The following MAML2 variants were observed in gnomAD, a reference collection of about 807,000 sequenced individuals.
The protein encoded by MAML2 is mastermind like transcriptional coactivator 2.
In MAML2, 22 loss-of-function variants were observed where a neutral mutation model predicts 96.1. That is an observed-to-expected ratio of 0.23 (90% confidence interval 0.16 to 0.33). The LOEUF is 0.33. Among genes scored for constraint, MAML2 ranks in the 10% least tolerant of loss-of-function variants. The pLI is 1.00. For synonymous variants in MAML2, 561 were observed against 521.3 expected (o/e 1.08, Z -1.04); for missense variants, 1,367 against 1,392.4 (o/e 0.98, Z 0.29).
intron 1 of MAML2, among the ~76,000 whole-genome samples, chr11:96,235,207 A>T (rs944447142): frequency 6.6e-6 from 1 of 152,100 alleles, no homozygotes; most frequent in Non-Finnish European, 1.5e-5. Context: ...TCTCCTTTAG[A>T]TCCAGAGCAA....
chr11:96,026,660 C>T (rs186727912), intron 2 of MAML2, among the ~76,000 whole-genome samples: 14 of 151,912 alleles, frequency 9.2e-5, no homozygotes, highest in African/African-American at 3.4e-4. Context: ...CATCTGTTTG[C>T]TCAGCACATA....
intron 1 of MAML2, among the ~76,000 whole-genome samples, chr11:96,328,017 A>T (rs964285905): frequency 6.6e-5 from 10 of 151,902 alleles, no homozygotes; most frequent in Non-Finnish European, 1.5e-4. Flanking sequence ...AATCACTTCA[A>T]CCCGGGGGGT....
At chr11:96,030,955 CT>C (rs892501066) in intron 2 of MAML2, among the ~76,000 whole-genome samples, 1 of 152,202 alleles carries the variant, frequency 6.6e-6, no homozygotes, top group Non-Finnish European at 1.5e-5. Flanking sequence ...TGCATTCTCT[CT>C]TTCCTTCCTC....
chr11:96,098,394 G>A (rs1237909261), intron 1 of MAML2, among the ~76,000 whole-genome samples: 7 of 152,196 alleles, frequency 4.6e-5, no homozygotes, highest in Admixed American at 4.6e-4. Flanking sequence ...CTCAATCTTT[G>A]CACTTTTCCC....
rs188414285 is a variant in MAML2 at position 96,181,162 on chromosome 11, G to A, written c.514-87645C>T. Reference sequence around the variant, plus strand: ...CTTCAGTTACTTCAGGCCACTGGGCGTATACGTGCAAGTCACAGGGGATGT... The same window carrying A: ...CTTCAGTTACTTCAGGCCACTGGGCATATACGTGCAAGTCACAGGGGATGT... On this transcript the variant is annotated intron_variant, in intron 1 of 4. Transcript: ENST00000524717. Among the ~76,000 whole-genome samples, 9 of 152,302 alleles carry A rather than the reference G, an allele frequency of 5.9e-5. No homozygotes were observed. The South Asian group carries it at 8.3e-4, about 14-fold the overall frequency.
At chr11:96,218,866 T>C (rs1565252509) in intron 1 of MAML2, among the ~76,000 whole-genome samples, 1 of 152,238 alleles carries the variant, frequency 6.6e-6, no homozygotes, top group Non-Finnish European at 1.5e-5. Context: ...GATAATTCAT[T>C]GTTTATCTGA....
At chr11:96,302,604 C>G (rs930861427) in intron 1 of MAML2, among the ~76,000 whole-genome samples, 2 of 152,198 alleles carry the variant, frequency 1.3e-5, no homozygotes, top group African/African-American at 4.8e-5. Flanking sequence ...TCCCTGGAGA[C>G]AGGATTTTCC....
chr11:95,996,389 A>G (rs1330344479), intron 2 of MAML2, among the ~76,000 whole-genome samples: 1 of 152,116 alleles, frequency 6.6e-6, no homozygotes, highest in Non-Finnish European at 1.5e-5. Flanking sequence ...TCTCTCTCTA[A>G]TCAAACAGAT....
At chr11:96,169,297 G>A (rs1370945823) in intron 1 of MAML2, among the ~76,000 whole-genome samples, 1 of 152,172 alleles carries the variant, frequency 6.6e-6, no homozygotes, top group Non-Finnish European at 1.5e-5. Flanking sequence ...TCCTTATCCA[G>A]CACTCAGCTG....
At chr11:96,316,566 T>C (rs892341528) in intron 1 of MAML2, among the ~76,000 whole-genome samples, 1 of 151,980 alleles carries the variant, frequency 6.6e-6, no homozygotes, top group Non-Finnish European at 1.5e-5. Flanking sequence ...CTGGGCTCAT[T>C]TGGAGAATTA....
At chr11:96,246,106 C>G (rs1862509738) in intron 1 of MAML2, among the ~76,000 whole-genome samples, 1 of 151,986 alleles carries the variant, frequency 6.6e-6, no homozygotes, top group South Asian at 2.1e-4. Flanking sequence ...AACATGGTCC[C>G]TATGCTGGAA....
At chr11:96,205,549 G>A (rs1009621722) in intron 1 of MAML2, among the ~76,000 whole-genome samples, 13 of 152,176 alleles carry the variant, frequency 8.5e-5, no homozygotes, top group African/African-American at 3.1e-4. Context: ...AAAACAGCAG[G>A]CTTGTGAAGG....
chr11:96,157,100 G>T (rs74861371), intron 1 of MAML2, among the ~76,000 whole-genome samples: 18,030 of 152,272 alleles, frequency 0.12, 1,213 homozygotes, highest in East Asian at 0.2. Flanking sequence ...ACTACAAGAA[G>T]AGATTGATAA....
At chr11:96,259,446 G>A (rs1196219263) in intron 1 of MAML2, among the ~76,000 whole-genome samples, 1 of 152,172 alleles carries the variant, frequency 6.6e-6, no homozygotes, top group Admixed American at 6.5e-5. Context: ...GAAAACTGTG[G>A]AGAGTGAAGT....
intron 2 of MAML2, among the ~76,000 whole-genome samples, chr11:96,025,706 A>G (rs1858507136): frequency 1.3e-5 from 2 of 151,780 alleles, no homozygotes; most frequent in Admixed American, 6.6e-5. Context: ...GGCATTTGCC[A>G]CCATACCCAA....
chr11:96,021,485 C>T (rs1858434540), intron 2 of MAML2, among the ~76,000 whole-genome samples: 2 of 152,194 alleles, frequency 1.3e-5, no homozygotes, highest in Non-Finnish European at 2.9e-5. Flanking sequence ...TAAGGTAGGA[C>T]TGCACATCCT....
chr11:95,996,497 G>A lies in MAML2; in HGVS notation c.2140-4774C>T, dbSNP rs143982106. ...GAAGGGTTTTCCAAATTTGAAACTG[G>A]TGCTTGGGTGAAGGGAGGTGCCCTG... On this transcript the variant is annotated intron_variant, in intron 2 of 4. Coordinates refer to ENST00000524717, the MANE Select transcript of MAML2 (RefSeq NM_032427.4). 7.3e-3 allele frequency among the ~76,000 whole-genome samples: 1,110 copies of A among 152,182 alleles called. 9 individuals are homozygous for A. The highest frequency in any genetic ancestry group is 9.6e-3 in the Non-Finnish European group (653 of 67,990).
chr11:96,170,146 C>T lies in MAML2; in HGVS notation c.514-76629G>A, dbSNP rs1364319479. On this transcript the variant is annotated intron_variant, in intron 1 of 4. Transcript: ENST00000524717. ...CTGGTTCAGGGCACATCATGTGCTA[C>T]AGTGCACCTGCCCAGCATCGTGCTC... Among the ~76,000 whole-genome samples the T allele has an allele frequency of 1.3e-5, 2 of 152,206 alleles. 1 individual carries two copies. The highest frequency in any genetic ancestry group is 4.8e-5 in the African/African-American group (2 of 41,462).
At chr11:96,326,131 GA>G (rs1863774918) in intron 1 of MAML2, among the ~76,000 whole-genome samples, 1 of 113,548 alleles carries the variant, frequency 8.8e-6, no homozygotes, top group South Asian at 2.9e-4. Flanking sequence ...CATTAAACAA[GA>G]ACTCTGTCCT....
Sources: gnomAD v4.1 joint callset for allele counts (sites outside exome capture counted in the v4.1 genomes callset) on GRCh38, gnomAD v4.1.1 for gene constraint, MANE v1.5 for transcripts, NCBI Gene and HGNC (gene_info 2026-07-23, HGNC 2026-07-21) for gene names.